NRXN3: variants seen among roughly 807,000 people sequenced by gnomAD.
NRXN3 encodes neurexin 3.
In NRXN3, 32 loss-of-function variants were observed where a neutral mutation model predicts 137.6. The observed-to-expected ratio is 0.23, with a 90% CI of 0.18 to 0.31. The LOEUF (loss-of-function observed/expected upper bound fraction) is 0.31, where lower values mean the gene tolerates loss of function less well. Among genes scored for constraint, NRXN3 ranks in the 10% least tolerant of loss-of-function variants. The pLI is 1.00. For missense variants in NRXN3, 1,574 were observed against 2,062.5 expected (o/e 0.76, Z 4.59); for synonymous variants, 798 against 784.5 (o/e 1.02, Z -0.29).
chr14:78,296,598 T>G (rs1328924486), intron 3 of NRXN3, among the ~76,000 whole-genome samples: 1 of 152,224 alleles, frequency 6.6e-6, no homozygotes, highest in Non-Finnish European at 1.5e-5. Flanking sequence ...CGTGAGTATT[T>G]ATCCTGGTCC....
At chr14:78,317,125 G>T (rs1199531279) in intron 4 of NRXN3, among the ~76,000 whole-genome samples, 2 of 152,208 alleles carry the variant, frequency 1.3e-5, no homozygotes, top group African/African-American at 4.8e-5. Flanking sequence ...AACCGATGGT[G>T]TCAATCCCAG....
chr14:78,828,057 A>G (rs1414482646), intron 10 of NRXN3, among the ~76,000 whole-genome samples: 1 of 152,184 alleles, frequency 6.6e-6, no homozygotes, highest in Non-Finnish European at 1.5e-5. Context: ...TGTCGCAATT[A>G]CCTGCAGGCA....
At chr14:79,737,548 A>G (rs1437485057) in intron 19 of NRXN3, among the ~76,000 whole-genome samples, 3 of 152,108 alleles carry the variant, frequency 2.0e-5, no homozygotes, top group African/African-American at 4.8e-5. Flanking sequence ...CACGGAGTTT[A>G]TATTAGGTAT....
chr14:79,622,023 A>C (rs1327146726), intron 16 of NRXN3, among the ~76,000 whole-genome samples: 1 of 152,322 alleles, frequency 6.6e-6, no homozygotes, highest in East Asian at 1.9e-4. Context: ...CACTGTATGC[A>C]GATTGAGAGG....
chr14:78,384,410 G>A (rs2089628415), intron 4 of NRXN3, among the ~76,000 whole-genome samples: 1 of 152,040 alleles, frequency 6.6e-6, no homozygotes, highest in Admixed American at 6.5e-5. Flanking sequence ...CATCCACTAA[G>A]CTCTGCATTA....
chr14:78,781,112 A>G (rs1438777335), intron 8 of NRXN3, among the ~76,000 whole-genome samples: 1 of 152,208 alleles, frequency 6.6e-6, no homozygotes, highest in African/African-American at 2.4e-5. Flanking sequence ...AGCTACATGC[A>G]ACATTAGTGA....
chr14:78,585,945 T>C (rs960594681), intron 4 of NRXN3, among the ~76,000 whole-genome samples: 9 of 152,188 alleles, frequency 5.9e-5, no homozygotes, highest in African/African-American at 1.9e-4. Flanking sequence ...TTTAGAGGCT[T>C]GAGACTGGAT....
Position 79,759,794 on chromosome 14 carries a change from A to C in NRXN3, c.4015-45318A>C, listed in dbSNP as rs571796927. On this transcript the variant is annotated intron_variant, in intron 19 of 20. Transcript: ENST00000335750. ...TGATTAGGAAGAAACACACATAAGA[A>C]ATTCATTTTTTTGGAAGAAAGAAAA... 7.2e-4 allele frequency among the ~76,000 whole-genome samples: 110 copies of C among 151,882 alleles called. 2 individuals carry two copies. In the South Asian group the frequency reaches 0.019, roughly 26 times the overall value.
intron 8 of NRXN3, among the ~76,000 whole-genome samples, chr14:78,801,651 C>G (rs1262192886): frequency 6.6e-6 from 1 of 152,186 alleles, no homozygotes; most frequent in Non-Finnish European, 1.5e-5. Context: ...GGTGGGGACA[C>G]AGAGCCAAAC....
chr14:79,583,013 A>G (rs1366436695), intron 16 of NRXN3, among the ~76,000 whole-genome samples: 1 of 152,252 alleles, frequency 6.6e-6, no homozygotes. Flanking sequence ...CACAGCATTT[A>G]TAGAATGTTT....
chr14:79,686,408 G>C (rs929151612), intron 17 of NRXN3, among the ~76,000 whole-genome samples: 1 of 152,042 alleles, frequency 6.6e-6, no homozygotes, highest in Non-Finnish European at 1.5e-5. Flanking sequence ...GCTGTTCAAG[G>C]CTCCTTACTG....
chr14:79,077,762 A>G (rs1468500929), intron 15 of NRXN3, among the ~76,000 whole-genome samples: 2 of 152,192 alleles, frequency 1.3e-5, no homozygotes, highest in Non-Finnish European at 2.9e-5. Flanking sequence ...ATAAATTATT[A>G]TTATATCAGT....
At chr14:79,343,065 G>A (rs759951586) in intron 15 of NRXN3, among the ~76,000 whole-genome samples, 2 of 152,090 alleles carry the variant, frequency 1.3e-5, no homozygotes, top group Non-Finnish European at 2.9e-5. Context: ...GGCAGAACTG[G>A]TTGGACCAGA....
intron 4 of NRXN3, among the ~76,000 whole-genome samples, chr14:78,426,261 A>G (rs150364183): frequency 9.0e-4 from 137 of 152,312 alleles, no homozygotes; most frequent in African/African-American, 3.2e-3. Flanking sequence ...TGATCCTCCA[A>G]AGACACTAGG....
At chr14:79,576,636 G>T (rs1336105348) in intron 16 of NRXN3, among the ~76,000 whole-genome samples, 1 of 152,076 alleles carries the variant, frequency 6.6e-6, no homozygotes. Context: ...CTTCCTATCT[G>T]TTCAGTCTTC....
chr14:79,349,577 C>CAT (rs1191910586), intron 15 of NRXN3, among the ~76,000 whole-genome samples: 1 of 150,872 alleles, frequency 6.6e-6, no homozygotes, highest in Non-Finnish European at 1.5e-5. Context: ...CACACACACA[C>CAT]ACACACACAC....
At chr14:78,486,416 G>A (rs970404870) in intron 4 of NRXN3, among the ~76,000 whole-genome samples, 5 of 152,228 alleles carry the variant, frequency 3.3e-5, no homozygotes, top group African/African-American at 9.6e-5. Flanking sequence ...AGGTATGTGT[G>A]CACTCTGCCC....
intron 4 of NRXN3, among the ~76,000 whole-genome samples, chr14:78,346,409 A>C (rs2082739277): frequency 6.6e-6 from 1 of 151,982 alleles, no homozygotes; most frequent in South Asian, 2.1e-4. Context: ...TGCTATTTCC[A>C]CTGGGGAAAA....
chr14:78,961,900 T>C (rs147755515), intron 11 of NRXN3, among the ~76,000 whole-genome samples: 4 of 152,222 alleles, frequency 2.6e-5, no homozygotes, highest in Admixed American at 6.5e-5. Context: ...ATCAGTGCAA[T>C]ATGGAAGTGA....
Sources: allele counts gnomAD v4.1 joint callset (sites outside exome capture counted in the v4.1 genomes callset), GRCh38; gene constraint gnomAD v4.1.1; transcripts MANE v1.5; gene names NCBI Gene and HGNC (gene_info 2026-07-23, HGNC 2026-07-21).